The following ZFHX3 variants were observed in gnomAD, a reference collection of about 807,000 sequenced individuals.
The protein encoded by ZFHX3 is zinc finger homeobox 3, also known as zinc finger homeobox protein 3.
ZFHX3 carries 42 observed loss-of-function variants against 279.1 expected under a neutral mutation model. The ratio of observed to expected loss-of-function variants is 0.15; its 90% confidence interval spans 0.12 to 0.19. ZFHX3 has a LOEUF of 0.19. Ranked by LOEUF, ZFHX3 falls within the 10% of genes least tolerant of loss-of-function variation. The probability of loss-of-function intolerance (pLI) is 1.00; values close to 1 mark genes in which losing one functional copy is unlikely to be tolerated. For synonymous variants in ZFHX3, 2,293 were observed against 1,957.8 expected (o/e 1.17, Z -4.52); for missense variants, 4,981 against 4,754.0 (o/e 1.05, Z -1.40).
At position 72,798,279 on chromosome 16, in the gene ZFHX3, A is replaced by G; in HGVS notation, c.4403T>C (p.Leu1468Pro). Residue 1468 changes from leucine (L) to proline (P), a missense_variant, in exon 9 of 10, where the codon CTG (leucine) becomes CCG (proline). By Grantham distance (98) the Leu-to-Pro change is moderately conservative. Coordinates refer to ENST00000268489, the MANE Select transcript of ZFHX3 (RefSeq NM_006885.4). Reference sequence around the variant, plus strand: ...CATTGCCAGGAGGTCCCCATTGGCCAGCAGGCCACCATAAAGCTGTTGGAT... The same window carrying G: ...CATTGCCAGGAGGTCCCCATTGGCCGGCAGGCCACCATAAAGCTGTTGGAT... Reference protein sequence around the residue: ...ADIQQLYGGLLANGDLLAMGD... With the variant: ...ADIQQLYGGLPANGDLLAMGD... 6.2e-7 allele frequency: 1 copy of G among 1,614,206 alleles called. No homozygotes were observed. The highest frequency in any genetic ancestry group is 8.5e-7 in the Non-Finnish European group (1 of 1,180,052).
chr16:73,203,123 T>C (rs943813543), intron 5 of ZFHX3, among the ~76,000 whole-genome samples: 9 of 152,108 alleles, frequency 5.9e-5, no homozygotes, highest in African/African-American at 1.9e-4. Flanking sequence ...TTTATCAGCA[T>C]CTACTCCGTC....
rs911583509 is a variant in ZFHX3 at position 73,381,669 on chromosome 16, T to G, written c.-1290-63333A>C. 6.6e-5 allele frequency among the ~76,000 whole-genome samples: 10 copies of G among 152,322 alleles called. No individual in the cohort carries two copies. The East Asian group carries it at 1.3e-3, about 21-fold the overall frequency. ...TAGTAAATATTTTAGACCAGGAATATCCAATCTTTTGGCTTCCCTGGGCCA... is the reference window on the plus strand; with the variant it reads ...TAGTAAATATTTTAGACCAGGAATAGCCAATCTTTTGGCTTCCCTGGGCCA... On this transcript the variant is annotated intron_variant, in intron 3 of 17. Coordinates refer to the ZFHX3 transcript ENST00000641206.
chr16:73,140,749 G>C (rs1036379053), intron 6 of ZFHX3, among the ~76,000 whole-genome samples: 1 of 152,218 alleles, frequency 6.6e-6, no homozygotes, highest in African/African-American at 2.4e-5. Context: ...AGCTACTTGG[G>C]AGGCTGAGGC....
chr16:73,879,442 C>T (rs147366192), intron 1 of ZFHX3, among the ~76,000 whole-genome samples: 5 of 151,940 alleles, frequency 3.3e-5, no homozygotes, highest in African/African-American at 4.8e-5. Flanking sequence ...ACATTTCCAC[C>T]GGCATGTCCT....
intron 2 of ZFHX3, among the ~76,000 whole-genome samples, chr16:73,467,570 A>C (rs1055452292): frequency 7.9e-5 from 12 of 152,262 alleles, no homozygotes; most frequent in Admixed American, 6.5e-5. Flanking sequence ...AGGGACAAAC[A>C]GATGGGCAGA....
At chr16:72,982,244 A>C (rs16971464) in intron 1 of ZFHX3, among the ~76,000 whole-genome samples, 9,058 of 152,244 alleles carry the variant, frequency 0.059, 305 homozygotes, top group Non-Finnish European at 0.075. Context: ...TAGAATGGGA[A>C]TCATATTTTC....
At chr16:73,693,522 A>G (rs993191356) in intron 1 of ZFHX3, among the ~76,000 whole-genome samples, 2 of 151,984 alleles carry the variant, frequency 1.3e-5, no homozygotes, top group African/African-American at 4.8e-5. Flanking sequence ...GAAAGTGACA[A>G]GTGAGAATAT....
intron 2 of ZFHX3, among the ~76,000 whole-genome samples, chr16:73,493,815 G>A (rs1245198234): frequency 2.7e-5 from 4 of 150,598 alleles, no homozygotes; most frequent in African/African-American, 1.0e-4. Flanking sequence ...GGCTAGCCAA[G>A]GCTTTTTGGA....
intron 5 of ZFHX3, among the ~76,000 whole-genome samples, chr16:73,201,947 T>C (rs2011624680): frequency 6.6e-6 from 1 of 152,198 alleles, no homozygotes; most frequent in Non-Finnish European, 1.5e-5. Context: ...TGGTAGTGTT[T>C]CTCAGGAATT....
At chr16:73,162,203 T>G (rs1321750359) in intron 5 of ZFHX3, among the ~76,000 whole-genome samples, 1 of 152,246 alleles carries the variant, frequency 6.6e-6, no homozygotes, top group Non-Finnish European at 1.5e-5. Flanking sequence ...TATTTACAGC[T>G]GTTCCCCATC....
intron 1 of ZFHX3, among the ~76,000 whole-genome samples, chr16:73,045,523 G>T (rs1965261877): frequency 6.6e-6 from 1 of 152,096 alleles, no homozygotes; most frequent in African/African-American, 2.4e-5. Context: ...CCTGTGGAGG[G>T]CACCGTTTTA....
At chr16:73,577,676 C>T (rs891325626) in intron 2 of ZFHX3, among the ~76,000 whole-genome samples, 4 of 152,146 alleles carry the variant, frequency 2.6e-5, no homozygotes, top group Non-Finnish European at 5.9e-5. Flanking sequence ...TGAAGGTATA[C>T]TTTTGTTTTT....
intron 2 of ZFHX3, among the ~76,000 whole-genome samples, chr16:73,506,018 G>T (rs866706766): frequency 2.0e-5 from 3 of 152,224 alleles, no homozygotes; most frequent in Non-Finnish European, 4.4e-5. Context: ...GGGATCACAC[G>T]ACAGCGGAAG....
rs2035942179 is a variant in ZFHX3 at position 72,797,295 on chromosome 16, A to G, written c.5387T>C (p.Leu1796Pro). 6.2e-7 allele frequency: 1 copy of G among 1,607,976 alleles called. No homozygotes were observed. Among genetic ancestry groups the G allele is most frequent in the Non-Finnish European group, 8.5e-7 (1 of 1,176,486 alleles). The change falls in exon 9 of 10, where the codon CTC becomes CCC. Residue 1796 changes from leucine (L) to proline (P), a missense_variant. Coordinates refer to ENST00000268489, the MANE Select transcript of ZFHX3 (RefSeq NM_006885.4). ...ACTGGGGATGTAGAAAGGGAAGAGG[A>G]GGTGCTGCTGCTGCTGTAGTTGCAG... The part of the protein sequence containing the change: ...TLLQLQQQQH[L>P]LFPFYIPSAE...
intron 2 of ZFHX3, among the ~76,000 whole-genome samples, chr16:73,603,544 T>C (rs564696547): frequency 1.5e-4 from 23 of 152,152 alleles, no homozygotes; most frequent in African/African-American, 5.1e-4. Context: ...TGACAAAAAC[T>C]TTCTAAGTAC....
At chr16:73,704,024 A>G (rs1031824842) in intron 1 of ZFHX3, among the ~76,000 whole-genome samples, 1 of 152,172 alleles carries the variant, frequency 6.6e-6, no homozygotes, top group African/African-American at 2.4e-5. Flanking sequence ...AGACATCTGT[A>G]GATGTGAACT....
At chr16:73,055,677 TACGC>T (rs764189732) in intron 1 of ZFHX3, among the ~76,000 whole-genome samples, 29 of 91,378 alleles carry the variant, frequency 3.2e-4, no homozygotes, top group Admixed American at 1.6e-3. Context: ...GGTGCAGACG[TACGC>T]GCGCGCGCGC....
chr16:73,655,140 C>T (rs1012154507), intron 2 of ZFHX3, among the ~76,000 whole-genome samples: 2 of 152,202 alleles, frequency 1.3e-5, no homozygotes, highest in Non-Finnish European at 2.9e-5. Flanking sequence ...GAACTACAGG[C>T]GTGAGCCACC....
chr16:72,877,562 G>C (rs371761325), intron 4 of ZFHX3, among the ~76,000 whole-genome samples: 1 of 152,128 alleles, frequency 6.6e-6, no homozygotes, highest in East Asian at 1.9e-4. Context: ...CTCATTCTTC[G>C]TGTCTGGTGT....
Sources: gnomAD v4.1 joint callset for allele counts (sites outside exome capture counted in the v4.1 genomes callset) on GRCh38, gnomAD v4.1.1 for gene constraint, MANE v1.5 for transcripts, NCBI Gene and HGNC (gene_info 2026-07-23, HGNC 2026-07-21) for gene names.